The following WDR36 variants were observed in gnomAD, a reference collection of about 807,000 sequenced individuals.
WDR36 encodes WD repeat domain 36, also known as WD repeat-containing protein 36.
Under a neutral mutation model 112.7 loss-of-function variants are expected in WDR36, and 63 were observed. The observed-to-expected ratio is 0.56, with a 90% CI of 0.46 to 0.69. The LOEUF (loss-of-function observed/expected upper bound fraction) is 0.69, where lower values mean the gene tolerates loss of function less well. Among genes scored for constraint, WDR36 ranks in the 30% least tolerant of loss-of-function variants. WDR36 has a pLI of 0.00. For missense variants in WDR36, 1,226 were observed against 1,070.3 expected (o/e 1.15, Z -2.03); for synonymous variants, 410 against 362.2 (o/e 1.13, Z -1.50).
chr5:111,123,530 A>T (rs1753612916), intron 19 of WDR36, among the ~76,000 whole-genome samples: 1 of 152,208 alleles, frequency 6.6e-6, no homozygotes, highest in East Asian at 1.9e-4. Context: ...TTCATATTTC[A>T]GGAAAATGAG....
chr5:111,107,636 T>G (rs1406367607), intron 12 of WDR36, among the ~76,000 whole-genome samples, 197 bp downstream of exon 12: 1 of 151,382 alleles, frequency 6.6e-6, no homozygotes, highest in Non-Finnish European at 1.5e-5. Context: ...ATATTTAGAT[T>G]TATTCTCTCT....
At chr5:111,105,240 C>A in intron 9 of WDR36, 55 bp from the exon 10 acceptor site, 1 of 1,529,526 alleles carries the variant, frequency 6.5e-7, no homozygotes. Context: ...TTGTGATTCA[C>A]ATAGTCCCTT....
chr5:111,114,216 A>G (rs1224835882), intron 16 of WDR36, among the ~76,000 whole-genome samples: 1 of 152,200 alleles, frequency 6.6e-6, no homozygotes, highest in African/African-American at 2.4e-5. Context: ...CTCATTTAAC[A>G]TAGGATTGCT....
chr5:111,095,216 C>G (rs559425626), intron 2 of WDR36: 152 of 384,214 alleles, frequency 4.0e-4, no homozygotes, highest in African/African-American at 2.8e-3. Context: ...AGAGTACAGG[C>G]TCATTTAGAA....
At chr5:111,096,542 A>G (rs1752987104) in intron 2 of WDR36, among the ~76,000 whole-genome samples, 1 of 152,064 alleles carries the variant, frequency 6.6e-6, no homozygotes, top group African/African-American at 2.4e-5. Flanking sequence ...TGTCTCTTCT[A>G]AAAATACAAA....
chr5:111,125,134 C>G (rs1261454724), intron 21 of WDR36, among the ~76,000 whole-genome samples: 1 of 152,136 alleles, frequency 6.6e-6, no homozygotes, highest in Non-Finnish European at 1.5e-5. Context: ...TTTATATATT[C>G]TGTACTGTTA....
intron 16 of WDR36, 73 bp downstream of exon 16, chr5:111,113,226 G>A (rs1046741338): frequency 1.9e-5 from 16 of 862,066 alleles, no homozygotes; most frequent in Middle Eastern, 2.4e-4. Context: ...GACTTTTACC[G>A]ATAGTTAATG....
chr5:111,108,707 A>G (rs1056208478), intron 12 of WDR36, among the ~76,000 whole-genome samples: 1 of 151,366 alleles, frequency 6.6e-6, no homozygotes, highest in Admixed American at 6.6e-5. Flanking sequence ...AGCATGGTAC[A>G]TTGGTTAGCT....
chr5:111,093,778 T>C (rs1752917512), intron 1 of WDR36, among the ~76,000 whole-genome samples: 1 of 152,226 alleles, frequency 6.6e-6, no homozygotes. Flanking sequence ...TTTCCCTATA[T>C]TCTACTTCCA....
In WDR36 at chr5:111,113,054, T is replaced by TATATATATATATA. The variant is rs33919278; in HGVS notation, c.1717-20_1717-19insATATATATATATA. 64 of 277,944 alleles carry TATATATATATATA rather than the reference T, an allele frequency of 2.3e-4. No homozygotes were observed. The highest frequency in any genetic ancestry group is 1.2e-3 in the Admixed American group (16 of 13,852). 17.2% of individuals were successfully genotyped at this position (277,944 alleles called of 1,614,324 possible). A position where few individuals can be genotyped will look rare whatever the true frequency, so the allele number is the denominator to read the frequency against. ...ATAAATAATATATATATATATATAT[T>TATATATATATATA]TTTTTTTTTTAATTTAAAGGCTTTT... On this transcript the variant is annotated intron_variant, in intron 15 of 22. Coordinates refer to ENST00000513710, the MANE Select transcript of WDR36 (RefSeq NM_139281.3).
intron 18 of WDR36, 42 bp downstream of exon 18, chr5:111,120,635 A>G: frequency 6.7e-7 from 1 of 1,500,200 alleles, no homozygotes; most frequent in Non-Finnish European, 9.3e-7. Context: ...GTGTAATATT[A>G]TAAACCTAAT....
intron 13 of WDR36, 123 bp downstream of exon 13, chr5:111,110,426 AC>A: frequency 1.2e-6 from 1 of 808,368 alleles, no homozygotes; most frequent in South Asian, 1.4e-5. Context: ...GTTATAATCA[AC>A]CCTATATGGC....
At chr5:111,122,158 C>G (rs1753580602) in intron 19 of WDR36, among the ~76,000 whole-genome samples, 1 of 152,164 alleles carries the variant, frequency 6.6e-6, no homozygotes, top group African/African-American at 2.4e-5. Flanking sequence ...GGAATCTCTT[C>G]ATCATGCTGT....
Position 111,125,390 on chromosome 5 carries a change from A to T in WDR36, c.2351-218A>T, listed in dbSNP as rs546007054. Among the ~76,000 whole-genome samples the T allele has an allele frequency of 2.0e-5, 3 of 152,256 alleles. No individual in the cohort carries two copies. The East Asian group carries it at 5.8e-4, about 29-fold the overall frequency. On this transcript the variant is annotated intron_variant, in intron 21 of 22. Transcript: ENST00000513710. ...AAAAGGTTTAAATTACAGAAAAAAA[A>T]TGTGTTTTGAGTACTTTCTCTTATA...
rs1753194406 is a variant in WDR36, at chr5:111,104,883, G to A, written c.1027+66G>A. On this transcript the variant is annotated intron_variant, in intron 9 of 22. Transcript: ENST00000513710. ...ATTGAGATGTGGGTGCCCAGTATGA[G>A]GTTTGATATTTACACATACTTAGAT... 5.6e-6 allele frequency: 9 copies of A among 1,603,104 alleles called. No homozygotes were observed. In the South Asian group the frequency reaches 9.9e-5, roughly 18 times the overall value.
At chr5:111,115,282 C>G (rs1753432699) in intron 16 of WDR36, among the ~76,000 whole-genome samples, 1 of 152,162 alleles carries the variant, frequency 6.6e-6, no homozygotes, top group Non-Finnish European at 1.5e-5. Context: ...GAATAACTAT[C>G]CAACAACTGC....
At chr5:111,105,843 T>G (rs1285227405) in intron 10 of WDR36, among the ~76,000 whole-genome samples, 2 of 151,644 alleles carry the variant, frequency 1.3e-5, no homozygotes, top group African/African-American at 4.8e-5. Flanking sequence ...TGTTCATGCA[T>G]GTATATAAAT....
intron 22 of WDR36, among the ~76,000 whole-genome samples, 183 bp downstream of exon 22, chr5:111,125,978 A>C (rs1340873367): frequency 6.6e-6 from 1 of 152,144 alleles, no homozygotes; most frequent in Non-Finnish European, 1.5e-5. Flanking sequence ...TGGATTTTTA[A>C]TTTTATAGAA....
chr5:111,114,886 T>G (rs10055177), intron 16 of WDR36, among the ~76,000 whole-genome samples: 80,785 of 151,974 alleles, frequency 0.53, 22,385 homozygotes, highest in South Asian at 0.68. Flanking sequence ...GTGAGAGAGA[T>G]AGATTATTCA....
Sources: gnomAD v4.1 joint callset for allele counts (sites outside exome capture counted in the v4.1 genomes callset) on GRCh38, gnomAD v4.1.1 for gene constraint, MANE v1.5 for transcripts, NCBI Gene and HGNC (gene_info 2026-07-23, HGNC 2026-07-21) for gene names.